The following GIGYF2 variants were observed in gnomAD, a reference collection of about 807,000 sequenced individuals.
GIGYF2 encodes the protein GRB10-interacting GYF protein 2.
A neutral mutation model predicts 208.1 loss-of-function variants in GIGYF2; 25 were observed. The observed-to-expected ratio is 0.12, with a 90% confidence interval of 0.09 to 0.17. The LOEUF is 0.17. GIGYF2 is among the 10% of genes least tolerant of loss of function. The probability of loss-of-function intolerance (pLI) is 1.00; values close to 1 mark genes in which losing one functional copy is unlikely to be tolerated. For missense variants in GIGYF2, 1,302 were observed against 1,579.4 expected (o/e 0.82, Z 2.98); for synonymous variants, 534 against 543.8 (o/e 0.98, Z 0.25).
Position 232,735,168 on chromosome 2 carries a change from T to C in GIGYF2, c.-30T>C. The C allele has an allele frequency of 6.5e-7, 1 of 1,531,200 alleles. No individual in the cohort carries two copies. Among genetic ancestry groups the C allele is most frequent in the South Asian group, 1.1e-5 (1 of 88,618 alleles). The allele number at this position is 1,531,200 out of a possible 1,614,324, so 94.9% of individuals were successfully genotyped here. On this transcript the variant is annotated 5_prime_UTR_variant, in exon 3 of 29. Coordinates refer to ENST00000373563, the MANE Select transcript of GIGYF2 (RefSeq NM_001103146.3). ...TCTCGTTAACAGGTTTCTTCACATA[T>C]AAAAATCTATTGTAAAAATACGGAA...
chr2:232,829,268 A>C (rs748428602), intron 21 of GIGYF2, among the ~76,000 whole-genome samples: 3 of 151,980 alleles, frequency 2.0e-5, no homozygotes, highest in Non-Finnish European at 4.4e-5. Flanking sequence ...TTTACCTCTG[A>C]TTGTATTCCT....
At chr2:232,849,050 G>A (rs1365873898) in intron 27 of GIGYF2, among the ~76,000 whole-genome samples, 1 of 152,152 alleles carries the variant, frequency 6.6e-6, no homozygotes, top group Non-Finnish European at 1.5e-5. Context: ...GGTCACTTAC[G>A]ATGAGGATGT....
chr2:232,716,760 C>T (rs948488859), intron 2 of GIGYF2, among the ~76,000 whole-genome samples: 1 of 151,966 alleles, frequency 6.6e-6, no homozygotes, highest in Non-Finnish European at 1.5e-5. Flanking sequence ...AATATGTTAT[C>T]GGAAGACATT....
At chr2:232,745,768 T>C (rs1433473380) in intron 3 of GIGYF2, among the ~76,000 whole-genome samples, 1 of 152,188 alleles carries the variant, frequency 6.6e-6, no homozygotes, top group Non-Finnish European at 1.5e-5. Context: ...TTACTGCAAG[T>C]ATCACAAACA....
intron 27 of GIGYF2, among the ~76,000 whole-genome samples, chr2:232,848,786 A>G (rs1233969347): frequency 1.3e-5 from 2 of 152,248 alleles, no homozygotes; most frequent in African/African-American, 4.8e-5. Flanking sequence ...CTGGGAATAT[A>G]TGCCTTTAGC....
rs779028184 is a variant in GIGYF2 at position 232,796,082 on chromosome 2, T to G, written c.1500T>G (p.Ala500=). Residue 500 remains alanine, a synonymous_variant, in exon 14 of 29, where the codon GCT becomes GCG. Coordinates refer to ENST00000373563, the MANE Select transcript of GIGYF2 (RefSeq NM_001103146.3). ...ACTAGCAAGCTGAGAAAATGGTGGC[T>G]TATCTCCAAGACAGTGCACTAGATG... is the stretch of plus-strand genomic sequence containing the variant. ...HLEQQAEKMV[A]YLQDSALDDE... 2.5e-6 allele frequency: 4 copies of G among 1,612,032 alleles called. No homozygotes were observed. Among genetic ancestry groups the G allele is most frequent in the African/African-American group, 1.3e-5 (1 of 74,866 alleles).
At chr2:232,800,778 C>T (rs150329758) in intron 14 of GIGYF2, among the ~76,000 whole-genome samples, 6 of 152,148 alleles carry the variant, frequency 3.9e-5, no homozygotes, top group African/African-American at 9.6e-5. Context: ...AGCTGACACA[C>T]GCTGGCTCAT....
chr2:232,786,452 G>T (rs1699910354), intron 8 of GIGYF2, among the ~76,000 whole-genome samples: 1 of 152,126 alleles, frequency 6.6e-6, no homozygotes, highest in African/African-American at 2.4e-5. Flanking sequence ...TGGCCAGGCT[G>T]GTCTCCCAAC....
intron 9 of GIGYF2, 73 bp downstream of exon 9, chr2:232,787,402 G>T (rs970945643): frequency 1.3e-5 from 17 of 1,306,666 alleles, no homozygotes; most frequent in Middle Eastern, 1.8e-4. Context: ...GGGATTAAAT[G>T]AAAAAGATAA....
intron 28 of GIGYF2, among the ~76,000 whole-genome samples, chr2:232,851,256 A>C (rs1176434859): frequency 6.6e-6 from 1 of 152,222 alleles, no homozygotes; most frequent in Non-Finnish European, 1.5e-5. Context: ...TGAAGGCTGC[A>C]GTGAGCTGTG....
At chr2:232,825,868 C>T (rs973725008) in intron 21 of GIGYF2, among the ~76,000 whole-genome samples, 13 of 149,034 alleles carry the variant, frequency 8.7e-5, no homozygotes, top group Admixed American at 2.0e-4. Flanking sequence ...CCCCACCCCT[C>T]GACAGACCCT....
intron 8 of GIGYF2, chr2:232,765,400 T>C (rs915485717): frequency 1.3e-5 from 2 of 152,692 alleles, no homozygotes; most frequent in Admixed American, 6.5e-5. Context: ...TCTATTCTTT[T>C]TAAAATTAGG....
chr2:232,837,700 C>G (rs371788369), intron 22 of GIGYF2, among the ~76,000 whole-genome samples: 1 of 152,100 alleles, frequency 6.6e-6, no homozygotes, highest in Non-Finnish European at 1.5e-5. Flanking sequence ...CTCAAGTGAT[C>G]CGCCTGCCTC....
intron 22 of GIGYF2, among the ~76,000 whole-genome samples, chr2:232,835,927 ACT>A (rs149856653): frequency 0.15 from 22,200 of 151,864 alleles, 1,809 homozygotes; most frequent in South Asian, 0.29. Context: ...CCCCGAGATA[ACT>A]CTCGGATTAC....
At chr2:232,709,369 A>G (rs1696275515) in intron 2 of GIGYF2, among the ~76,000 whole-genome samples, 2 of 152,158 alleles carry the variant, frequency 1.3e-5, no homozygotes, top group Non-Finnish European at 2.9e-5. Context: ...TTTTAGATAC[A>G]GGGTCTTGCT....
chr2:232,770,964 A>G (rs1054582760), intron 8 of GIGYF2: 2 of 1,614,100 alleles, frequency 1.2e-6, no homozygotes, highest in Admixed American at 1.7e-5. Flanking sequence ...AGGCGATTGC[A>G]CTTGGACAGT....
chr2:232,846,200 T>TA lies in GIGYF2; in HGVS notation c.3460+321dup, dbSNP rs200757984. On this transcript the variant is annotated intron_variant, in intron 26 of 28. Coordinates refer to ENST00000373563, the MANE Select transcript of GIGYF2 (RefSeq NM_001103146.3). ...GGGAACATTGCCAGCTATGTCAAGT[T>TA]AAAAAAAGTAACTCTCATGCTGGGG... Among the ~76,000 whole-genome samples, 72 of 152,220 alleles carry TA rather than the reference T, an allele frequency of 4.7e-4. No individual in the cohort carries two copies. The East Asian group carries it at 0.013, about 28-fold the overall frequency.
rs1697719477 is a variant in GIGYF2, at chr2:232,736,045, G to A, written c.41+807G>A. ...CAATAAATGATGCAGACTTCCTGTA[G>A]TAACTCTATTTGAGGAGTCTTATTA... On this transcript the variant is annotated intron_variant, in intron 3 of 28. Coordinates refer to ENST00000373563, the MANE Select transcript of GIGYF2 (RefSeq NM_001103146.3). The A allele has an allele frequency of 3.1e-6, 3 of 976,776 alleles. 1 individual carries two copies. The highest frequency in any genetic ancestry group is 9.5e-5 in the South Asian group (2 of 21,118). 60.5% of individuals were successfully genotyped at this position (976,776 alleles called of 1,614,324 possible).
chr2:232,800,948 G>T (rs1477288119), intron 14 of GIGYF2, among the ~76,000 whole-genome samples: 6 of 151,920 alleles, frequency 3.9e-5, no homozygotes, highest in African/African-American at 1.5e-4. Flanking sequence ...GGCAATCTTG[G>T]CTCACTGCAA....
Sources: gnomAD v4.1 joint callset for allele counts (sites outside exome capture counted in the v4.1 genomes callset) on GRCh38, gnomAD v4.1.1 for gene constraint, MANE v1.5 for transcripts, NCBI Gene and HGNC (gene_info 2026-07-23, HGNC 2026-07-21) for gene names.